The following BCKDHB variants were observed in gnomAD, a reference collection of about 807,000 sequenced individuals.
BCKDHB encodes the protein 2-oxoisovalerate dehydrogenase subunit beta, mitochondrial.
In BCKDHB, 41 loss-of-function variants were observed where a neutral mutation model predicts 48.5. The observed-to-expected ratio is 0.85, with a 90% CI of 0.66 to 1.10. The LOEUF (loss-of-function observed/expected upper bound fraction) is 1.10, where lower values mean the gene tolerates loss of function less well. BCKDHB is among the 50% of genes least tolerant of loss of function. The pLI is 0.00. For synonymous variants in BCKDHB, 201 were observed against 174.8 expected (o/e 1.15, Z -1.18); for missense variants, 496 against 494.2 (o/e 1.00, Z -0.03).
chr6:80,257,517 G>A (rs901458115), intron 8 of BCKDHB, among the ~76,000 whole-genome samples: 1 of 151,528 alleles, frequency 6.6e-6, no homozygotes. Context: ...CATATTATGT[G>A]TTAGGCTTCT....
In BCKDHB at chr6:80,106,723, G is replaced by C. The variant is rs752065929; in HGVS notation, c.30G>C (p.Trp10Cys). The C allele has an allele frequency of 6.4e-7, 1 of 1,554,508 alleles. No individual in the cohort carries two copies. Among genetic ancestry groups the C allele is most frequent in the East Asian group, 2.4e-5 (1 of 41,258 alleles). MAVVAAAAG[W>C]LLRLRAAGAE... is the part of the protein sequence containing the mutation. The stretch of plus-strand genomic sequence containing the variant: ...CGGTTGTAGCGGCGGCTGCCGGCTG[G>C]CTACTCAGGCTCAGGGCGGCAGGGG... Residue 10 changes from tryptophan to cysteine, a missense_variant, in exon 1 of 10, where the codon TGG becomes TGC. Transcript: ENST00000320393.
At chr6:80,289,304 G>A (rs569226894) in intron 9 of BCKDHB, among the ~76,000 whole-genome samples, 1 of 152,220 alleles carries the variant, frequency 6.6e-6, no homozygotes, top group South Asian at 2.1e-4. Flanking sequence ...ATAGTACATT[G>A]TTGAACTTCT....
the BCKDHB span, chr6:80,462,780 C>T: frequency 6.6e-6 from 1 of 152,154 alleles, no homozygotes; most frequent in Admixed American, 6.5e-5. Flanking sequence ...GGAATCAAAT[C>T]AAGGTTGTCA....
intron 8 of BCKDHB, 139 bp downstream of exon 8, chr6:80,203,351 G>T (rs977337051): frequency 4.4e-6 from 3 of 687,202 alleles, no homozygotes; most frequent in African/African-American, 1.8e-5. Context: ...TTTGCAGCAT[G>T]AAAGAAAGTT....
At chr6:80,439,745 T>C in the BCKDHB span, among the ~76,000 whole-genome samples, 1 of 152,204 alleles carries the variant, frequency 6.6e-6, no homozygotes, top group East Asian at 1.9e-4. Flanking sequence ...ATGTATGCTC[T>C]ACAGCAGGGG....
intron 8 of BCKDHB, among the ~76,000 whole-genome samples, chr6:80,203,797 C>CTATTAAG (rs1774510167): frequency 6.6e-6 from 1 of 152,060 alleles, no homozygotes; most frequent in Non-Finnish European, 1.5e-5. Flanking sequence ...TTAAGATTTA[C>CTATTAAG]ATAGCCAGTT....
At chr6:80,436,681 A>G in the BCKDHB span, among the ~76,000 whole-genome samples, 31 of 152,196 alleles carry the variant, frequency 2.0e-4, no homozygotes, top group Non-Finnish European at 2.4e-4. Flanking sequence ...TTTTGATAGT[A>G]TTACTTATAG....
the BCKDHB span, among the ~76,000 whole-genome samples, chr6:80,417,134 G>A: frequency 7.2e-5 from 11 of 152,048 alleles, no homozygotes; most frequent in Non-Finnish European, 1.5e-4. Flanking sequence ...ATTGTTGTTG[G>A]TGTAAAGACT....
chr6:80,404,269 A>G, the BCKDHB span, among the ~76,000 whole-genome samples: 35 of 152,022 alleles, frequency 2.3e-4, no homozygotes, highest in Non-Finnish European at 4.4e-4. Context: ...TTATTGGTCC[A>G]TTCAGGTTTT....
chr6:80,142,120 A>G (rs1156915542), intron 3 of BCKDHB, among the ~76,000 whole-genome samples: 1 of 152,074 alleles, frequency 6.6e-6, no homozygotes, highest in African/African-American at 2.4e-5. Context: ...ATTCAGATAT[A>G]ATTTTTGGAT....
chr6:80,292,689 A>G (rs1235675302), intron 9 of BCKDHB, among the ~76,000 whole-genome samples: 1 of 152,188 alleles, frequency 6.6e-6, no homozygotes, highest in South Asian at 2.1e-4. Context: ...TCATTTCAGC[A>G]TTAACTAAAA....
the BCKDHB span, among the ~76,000 whole-genome samples, chr6:80,385,097 TATGA>T: frequency 6.6e-6 from 1 of 152,114 alleles, no homozygotes; most frequent in Non-Finnish European, 1.5e-5. Context: ...TCTTTGACCA[TATGA>T]GGAGAACCAA....
chr6:80,151,853 G>A (rs1771799194), intron 3 of BCKDHB, among the ~76,000 whole-genome samples: 2 of 152,110 alleles, frequency 1.3e-5, no homozygotes, highest in Non-Finnish European at 2.9e-5. Context: ...GGTGAATGAC[G>A]CACAAGGGTT....
At chr6:80,145,317 CAAA>C (rs1771427394) in intron 3 of BCKDHB, among the ~76,000 whole-genome samples, 1 of 152,188 alleles carries the variant, frequency 6.6e-6, no homozygotes, top group Non-Finnish European at 1.5e-5. Context: ...AGCATACACA[CAAA>C]AGCCTGTGTT....
chr6:80,201,002 G>T lies in BCKDHB; in HGVS notation c.811G>T (p.Asp271Tyr), dbSNP rs1257187508. The T allele has an allele frequency of 1.9e-6, 3 of 1,612,678 alleles. No homozygotes were observed. Among genetic ancestry groups the T allele is most frequent in the African/African-American group, 1.3e-5 (1 of 74,936 alleles). The change falls in exon 7 of 10, where the codon GAT becomes TAT. Residue 271 changes from aspartate to tyrosine, a missense_variant. Coordinates refer to ENST00000320393, the MANE Select transcript of BCKDHB (RefSeq NM_183050.4). ...SQAEVIQEGS[D>Y]VTLVAWGTQV... ...GGCCGAAGTCATACAGGAAGGGAGTGATGTTACTCTAGTTGCCTGGGGCAC... is the reference window on the plus strand; with the variant it reads ...GGCCGAAGTCATACAGGAAGGGAGTTATGTTACTCTAGTTGCCTGGGGCAC...
intron 8 of BCKDHB, among the ~76,000 whole-genome samples, chr6:80,256,937 T>G (rs1357352355): frequency 1.3e-5 from 2 of 152,206 alleles, no homozygotes; most frequent in Non-Finnish European, 2.9e-5. Context: ...TTCAAATTTG[T>G]ATACTTATGG....
chr6:80,323,597 ACT>A (rs1240605928), intron 9 of BCKDHB, among the ~76,000 whole-genome samples: 2 of 151,928 alleles, frequency 1.3e-5, no homozygotes, highest in East Asian at 1.9e-4. Context: ...GTGATTTCTA[ACT>A]CTTTCCCCTT....
the BCKDHB span, among the ~76,000 whole-genome samples, chr6:80,382,365 G>A: frequency 6.6e-6 from 1 of 152,120 alleles, no homozygotes; most frequent in Non-Finnish European, 1.5e-5. Flanking sequence ...CATTCAGAGA[G>A]CCTATGATTC....
chr6:80,188,802 A>G (rs939012901), intron 6 of BCKDHB, among the ~76,000 whole-genome samples: 7 of 152,200 alleles, frequency 4.6e-5, no homozygotes, highest in African/African-American at 1.2e-4. Context: ...ATAAAAATAA[A>G]AATAAAAAAA....
Sources: allele counts gnomAD v4.1 joint callset (sites outside exome capture counted in the v4.1 genomes callset), GRCh38; gene constraint gnomAD v4.1.1; transcripts MANE v1.5; gene names NCBI Gene and HGNC (gene_info 2026-07-23, HGNC 2026-07-21).